ANGPT2: variants seen among roughly 807,000 people sequenced by gnomAD.
ANGPT2 encodes the protein angiopoietin-2.
ANGPT2 carries 28 observed loss-of-function variants against 62.9 expected under a neutral mutation model. That is an observed-to-expected ratio of 0.44 (90% confidence interval 0.33 to 0.61). ANGPT2 has a LOEUF of 0.61. Ranked by LOEUF, ANGPT2 falls within the 20% of genes least tolerant of loss-of-function variation. The pLI, the probability that ANGPT2 is intolerant of heterozygous loss-of-function variation, is 0.03. For synonymous variants in ANGPT2, 284 were observed against 207.8 expected (o/e 1.37, Z -3.15); for missense variants, 727 against 594.9 (o/e 1.22, Z -2.31).
rs1248878197 is a variant in ANGPT2 at position 6,502,410 on chromosome 8, C to T, written c.*691G>A. ...AATGGCACGTTTCTGTTGATAATTT[C>T]AGAGATTCTGGAAGTTTCTACCATA... On this transcript the variant is annotated 3_prime_UTR_variant, in exon 9 of 9. Transcript: ENST00000629816. 6.6e-6 allele frequency: 1 copy of T among 152,140 alleles called. No homozygotes were observed. The highest frequency in any genetic ancestry group is 1.9e-4 in the East Asian group (1 of 5,196). The allele number at this position is 152,140 out of a possible 1,614,324, so 9.4% of individuals were successfully genotyped here. A position where few individuals can be genotyped will look rare whatever the true frequency, so the allele number is the denominator to read the frequency against.
intron 4 of ANGPT2, among the ~76,000 whole-genome samples, chr8:6,520,937 C>T (rs760008507): frequency 1.3e-5 from 2 of 152,170 alleles, no homozygotes; most frequent in Non-Finnish European, 2.9e-5. Context: ...AATGATGGAA[C>T]TAACTAAAAG....
chr8:6,555,716 G>A (rs990850442), intron 1 of ANGPT2, among the ~76,000 whole-genome samples: 5 of 152,076 alleles, frequency 3.3e-5, no homozygotes, highest in African/African-American at 1.2e-4. Context: ...ACCCGCTTCG[G>A]CCTCCGAAAG....
chr8:6,519,726 G>C (rs1381175603), intron 5 of ANGPT2, 138 bp downstream of exon 5: 8 of 1,045,788 alleles, frequency 7.6e-6, no homozygotes, highest in Non-Finnish European at 1.1e-5. Context: ...AGGCGAGGTA[G>C]CTGCCCAGTA....
At chr8:6,545,290 T>A (rs746692315) in intron 1 of ANGPT2, among the ~76,000 whole-genome samples, 3 of 152,236 alleles carry the variant, frequency 2.0e-5, no homozygotes, top group Non-Finnish European at 4.4e-5. Flanking sequence ...TCCATATTTT[T>A]AAAAGTTATC....
In ANGPT2 at chr8:6,502,784, C is replaced by G. The variant is rs904996258; in HGVS notation, c.*317G>C. On this transcript the variant is annotated 3_prime_UTR_variant, in exon 9 of 9. Transcript: ENST00000629816. ...TGTTTTCCAGTTATTTACTGATAAA[C>G]TTGCACATAACATTCTTGGTTGTGA... The G allele has an allele frequency of 1.5e-5, 5 of 343,570 alleles. No homozygotes were observed. The highest frequency in any genetic ancestry group is 1.6e-5 in the Non-Finnish European group (3 of 185,526). 21.3% of individuals were successfully genotyped at this position (343,570 alleles called of 1,614,324 possible). A position where few individuals can be genotyped will look rare whatever the true frequency, so the allele number is the denominator to read the frequency against.
chr8:6,535,343 G>C (rs775635657), intron 1 of ANGPT2, among the ~76,000 whole-genome samples: 4 of 152,056 alleles, frequency 2.6e-5, no homozygotes, highest in Non-Finnish European at 4.4e-5. Flanking sequence ...ATTAAACTTA[G>C]GAACTTTGAA....
At chr8:6,559,825 G>C (rs1825239422) in intron 1 of ANGPT2, among the ~76,000 whole-genome samples, 2 of 151,694 alleles carry the variant, frequency 1.3e-5, no homozygotes, top group South Asian at 2.1e-4. Context: ...GTAGTGTTTG[G>C]TCCACTGCAG....
In ANGPT2 at chr8:6,500,018, C is replaced by G; in HGVS notation, c.*3083G>C. On this transcript the variant is annotated 3_prime_UTR_variant, in exon 9 of 9. Transcript: ENST00000629816. ...CATAAGGGTGGACTTAAGTTTTTAT[C>G]CAGTCAAGCACAATTATGCCCATAA... The G allele has an allele frequency of 2.7e-6, 3 of 1,102,844 alleles. No individual in the cohort carries two copies. Among genetic ancestry groups the G allele is most frequent in the Non-Finnish European group, 2.8e-6 (2 of 718,596 alleles). 68.3% of individuals were successfully genotyped at this position (1,102,844 alleles called of 1,614,324 possible).
At chr8:6,513,446 C>T (rs896112951) in intron 7 of ANGPT2, among the ~76,000 whole-genome samples, 9 of 151,796 alleles carry the variant, frequency 5.9e-5, no homozygotes, top group Non-Finnish European at 1.3e-4. Context: ...CATTCTTCTG[C>T]CTCAGCCTCC....
chr8:6,536,520 C>T (rs1820529702), intron 1 of ANGPT2, among the ~76,000 whole-genome samples: 1 of 152,114 alleles, frequency 6.6e-6, no homozygotes, highest in Admixed American at 6.5e-5. Context: ...GCCATTTTTA[C>T]CACCAGAAAA....
rs115799020 is a variant in ANGPT2, at chr8:6,532,078, G to A, written c.444+254C>T. ...CATCTTGCAGTGGTTGGGATGCGTG[G>A]CATGAAAATGACTCACATGTCTTCA... On this transcript the variant is annotated intron_variant, in intron 2 of 8. Coordinates refer to ENST00000629816, the MANE Select transcript of ANGPT2 (RefSeq NM_001118887.2). Among the ~76,000 whole-genome samples the A allele has an allele frequency of 6.5e-3, 995 of 152,272 alleles. 9 individuals are homozygous for A. Among genetic ancestry groups the A allele is most frequent in the African/African-American group, 0.023 (972 of 41,560 alleles).
intron 1 of ANGPT2, among the ~76,000 whole-genome samples, chr8:6,547,798 C>G (rs144824348): frequency 8.2e-4 from 125 of 152,136 alleles, no homozygotes; most frequent in African/African-American, 2.7e-3. Context: ...AATGCGGGGC[C>G]AGGGGAGCAC....
chr8:6,532,223 G>C (rs1819656489), intron 2 of ANGPT2, 109 bp downstream of exon 2: 2 of 1,237,838 alleles, frequency 1.6e-6, no homozygotes, highest in Non-Finnish European at 2.3e-6. Context: ...TTTCTCCTGT[G>C]GTGGTGCTTT....
At chr8:6,514,628 A>G (rs368063942) in intron 6 of ANGPT2, 49 bp downstream of exon 6, 50 of 1,537,010 alleles carry the variant, frequency 3.3e-5, no homozygotes, top group Middle Eastern at 1.7e-4. Flanking sequence ...CTTGAAAGCT[A>G]TTTTTCACAA....
rs576140302 is a variant in ANGPT2, at chr8:6,553,328, A to C, written c.288+9319T>G. On this transcript the variant is annotated intron_variant, in intron 1 of 8. Coordinates refer to ENST00000629816, the MANE Select transcript of ANGPT2 (RefSeq NM_001118887.2). Reference sequence around the variant, plus strand: ...AAAAGGAACAAGTAAAGCAACAACAACAAAATGTTATTGTGTACTTTCAGA... The same window carrying C: ...AAAAGGAACAAGTAAAGCAACAACACCAAAATGTTATTGTGTACTTTCAGA... Among the ~76,000 whole-genome samples the C allele has an allele frequency of 1.3e-4, 20 of 152,286 alleles. No homozygotes were observed. In the South Asian group the frequency reaches 4.1e-3, roughly 32 times the overall value.
intron 1 of ANGPT2, among the ~76,000 whole-genome samples, chr8:6,551,325 A>C (rs770641595): frequency 1.3e-5 from 2 of 152,204 alleles, no homozygotes; most frequent in African/African-American, 4.8e-5. Flanking sequence ...TGTGCCATCA[A>C]TTAATTCTAT....
chr8:6,513,335 CTT>C (rs1189719867), intron 7 of ANGPT2, among the ~76,000 whole-genome samples: 2 of 143,208 alleles, frequency 1.4e-5, no homozygotes, highest in Non-Finnish European at 3.1e-5. Flanking sequence ...TTTTCTTTTT[CTT>C]TTTTTTTTTT....
At chr8:6,552,456 G>A (rs1281992640) in intron 1 of ANGPT2, among the ~76,000 whole-genome samples, 1 of 152,144 alleles carries the variant, frequency 6.6e-6, no homozygotes, top group Admixed American at 6.5e-5. Flanking sequence ...ATTATCTTTC[G>A]AGTAAACATG....
intron 7 of ANGPT2, among the ~76,000 whole-genome samples, chr8:6,511,623 C>A (rs1026783232): frequency 1.3e-5 from 2 of 152,150 alleles, no homozygotes; most frequent in African/African-American, 2.4e-5. Context: ...AAGTTTCAGT[C>A]CCTTCACAGT....
Sources: gnomAD v4.1 joint callset for allele counts (sites outside exome capture counted in the v4.1 genomes callset) on GRCh38, gnomAD v4.1.1 for gene constraint, MANE v1.5 for transcripts, NCBI Gene and HGNC (gene_info 2026-07-23, HGNC 2026-07-21) for gene names.